Variants in GRM7 observed in about 807,000 individuals in gnomAD.
GRM7 encodes the protein metabotropic glutamate receptor 7.
Under a neutral mutation model 84.5 loss-of-function variants are expected in GRM7, and 35 were observed. That is an observed-to-expected ratio of 0.41 (90% CI 0.32 to 0.55). GRM7 has a LOEUF of 0.55. Among genes scored for constraint, GRM7 ranks in the 20% least tolerant of loss-of-function variants. The pLI is 0.19. For synonymous variants in GRM7, 487 were observed against 455.1 expected (o/e 1.07, Z -0.89); for missense variants, 1,003 against 1,194.6 (o/e 0.84, Z 2.36).
intron 2 of GRM7, among the ~76,000 whole-genome samples, chr3:7,231,748 A>T (rs1328133487): frequency 1.3e-5 from 2 of 152,206 alleles, no homozygotes; most frequent in African/African-American, 2.4e-5. Flanking sequence ...TTTAGTGTTT[A>T]GGTGATTGTC....
intron 1 of GRM7, among the ~76,000 whole-genome samples, chr3:7,112,026 G>A (rs573782073): frequency 1.2e-4 from 19 of 152,212 alleles, no homozygotes; most frequent in South Asian, 6.2e-4. Context: ...GATGAAGTTG[G>A]AATTTAAGTT....
At chr3:7,379,322 A>G (rs1694490179) in intron 4 of GRM7, among the ~76,000 whole-genome samples, 1 of 152,036 alleles carries the variant, frequency 6.6e-6, no homozygotes, top group Admixed American at 6.6e-5. Context: ...CAAACTCCTG[A>G]GCACAGGCAC....
At chr3:7,509,779 CT>C (rs1236100410) in intron 7 of GRM7, among the ~76,000 whole-genome samples, 6 of 151,854 alleles carry the variant, frequency 4.0e-5, no homozygotes, top group Non-Finnish European at 8.8e-5. Flanking sequence ...ATATTTTCAG[CT>C]GGGGAAATTT....
At position 7,568,832 on chromosome 3, in the gene GRM7, G is replaced by A. The variant is rs574124035; in HGVS notation, c.1516-9590G>A. Reference sequence around the variant, plus strand: ...CTTGCCGGGCCTTAGCTGCCTCCCCGTGGGGAGGGCTCGGGACCTGCAGCC... The same window carrying A: ...CTTGCCGGGCCTTAGCTGCCTCCCCATGGGGAGGGCTCGGGACCTGCAGCC... On this transcript the variant is annotated intron_variant, in intron 7 of 9. Transcript: ENST00000357716. 1.5e-3 allele frequency among the ~76,000 whole-genome samples: 228 copies of A among 152,226 alleles called. 1 individual carries two copies. The highest frequency in any genetic ancestry group is 5.1e-3 in the African/African-American group (210 of 41,558).
chr3:6,942,527 T>C (rs1231876964), intron 1 of GRM7, among the ~76,000 whole-genome samples: 2 of 152,228 alleles, frequency 1.3e-5, no homozygotes, highest in South Asian at 2.1e-4. Context: ...CATAATAATT[T>C]TGAGATTTGT....
At chr3:7,472,467 GATAAAC>G (rs1698742181) in intron 7 of GRM7, among the ~76,000 whole-genome samples, 1 of 152,170 alleles carries the variant, frequency 6.6e-6, no homozygotes. Flanking sequence ...TAGATTCAAC[GATAAAC>G]ATATAGAATC....
At chr3:7,354,058 A>G (rs1458792397) in intron 4 of GRM7, among the ~76,000 whole-genome samples, 3 of 151,008 alleles carry the variant, frequency 2.0e-5, no homozygotes, top group Admixed American at 6.6e-5. Context: ...GAGTCAGCTT[A>G]TAGACCCAGA....
At chr3:7,265,784 C>T (rs998694329) in intron 2 of GRM7, among the ~76,000 whole-genome samples, 1 of 152,186 alleles carries the variant, frequency 6.6e-6, no homozygotes, top group African/African-American at 2.4e-5. Flanking sequence ...TGACAGGCCA[C>T]CTTTCTTTGT....
rs71625343 is a variant in GRM7, at chr3:7,432,634, TAA to T, written c.1174+17484_1174+17485del. 2.8e-3 allele frequency among the ~76,000 whole-genome samples: 408 copies of T among 145,702 alleles called. 1 individual carries two copies. The highest frequency in any genetic ancestry group is 4.8e-3 in the South Asian group (22 of 4,550). ...ACCATGCCCAGCCGGGCATCTAGTT[TAA>T]AAAAAAAAAAAATAGAAATAATAGA... is the stretch of plus-strand genomic sequence containing the variant. On this transcript the variant is annotated intron_variant, in intron 5 of 9. Coordinates refer to ENST00000357716, the MANE Select transcript of GRM7 (RefSeq NM_000844.4).
intron 8 of GRM7, among the ~76,000 whole-genome samples, chr3:7,646,012 T>C (rs1698621153): frequency 6.6e-6 from 1 of 151,972 alleles, no homozygotes; most frequent in Admixed American, 6.6e-5. Flanking sequence ...ATCAGAATAT[T>C]ACATCTCTTC....
chr3:7,381,817 G>A (rs1333823160), intron 4 of GRM7, among the ~76,000 whole-genome samples: 1 of 152,110 alleles, frequency 6.6e-6, no homozygotes, highest in Non-Finnish European at 1.5e-5. Flanking sequence ...TGATCTTAAA[G>A]TGATAATAAT....
chr3:7,415,990 G>C (rs2125181945), intron 5 of GRM7, among the ~76,000 whole-genome samples: 1 of 152,286 alleles, frequency 6.6e-6, no homozygotes, highest in Non-Finnish European at 1.5e-5. Context: ...AATGATGCTT[G>C]AGTCAAGATA....
intron 1 of GRM7, among the ~76,000 whole-genome samples, chr3:7,134,493 AT>A (rs1293448766): frequency 9.2e-5 from 14 of 152,082 alleles, no homozygotes. Context: ...CCTCTCAGAT[AT>A]TTTATTTTAA....
chr3:7,307,043 CA>C (rs1700219291), intron 4 of GRM7, among the ~76,000 whole-genome samples: 1 of 152,062 alleles, frequency 6.6e-6, no homozygotes, highest in South Asian at 2.1e-4. Flanking sequence ...AGAAGAAGTA[CA>C]AGAACCCTTT....
chr3:7,347,639 T>C (rs1692949950), intron 4 of GRM7, among the ~76,000 whole-genome samples: 1 of 152,170 alleles, frequency 6.6e-6, no homozygotes, highest in Non-Finnish European at 1.5e-5. Flanking sequence ...AATTTTGTTC[T>C]AAGGCTTTCC....
At chr3:7,663,766 C>T (rs1372941403) in intron 8 of GRM7, among the ~76,000 whole-genome samples, 1 of 152,202 alleles carries the variant, frequency 6.6e-6, no homozygotes. Flanking sequence ...ACATATGCTT[C>T]TGAGACTCAA....
At chr3:7,064,315 A>G (rs1305822974) in intron 1 of GRM7, among the ~76,000 whole-genome samples, 1 of 150,610 alleles carries the variant, frequency 6.6e-6, no homozygotes, top group Non-Finnish European at 1.5e-5. Flanking sequence ...GCCCCCACAT[A>G]TCAGTGAGAA....
intron 8 of GRM7, among the ~76,000 whole-genome samples, chr3:7,600,443 G>A (rs532957882): frequency 6.6e-6 from 1 of 152,174 alleles, no homozygotes; most frequent in Admixed American, 6.5e-5. Context: ...GCTCTTAGTT[G>A]TCAATAAAAA....
intron 1 of GRM7, among the ~76,000 whole-genome samples, chr3:6,883,487 T>C (rs934890796): frequency 2.3e-4 from 35 of 152,338 alleles, no homozygotes; most frequent in African/African-American, 7.7e-4. Flanking sequence ...CCTTATTTTA[T>C]ATTATGTTTG....
Sources: allele counts gnomAD v4.1 joint callset (sites outside exome capture counted in the v4.1 genomes callset), GRCh38; gene constraint gnomAD v4.1.1; transcripts MANE v1.5; gene names NCBI Gene and HGNC (gene_info 2026-07-23, HGNC 2026-07-21).